Variants in TBATA observed in about 807,000 individuals in gnomAD.
TBATA encodes protein TBATA.
Under a neutral mutation model 38.7 loss-of-function variants are expected in TBATA, and 47 were observed. The observed-to-expected ratio is 1.21, with a 90% CI of 0.96 to 1.55. TBATA has a LOEUF of 1.55. TBATA is among the 40% of genes most tolerant of loss of function. The pLI, the probability that TBATA is intolerant of heterozygous loss-of-function variation, is 0.00. For missense variants in TBATA, 436 were observed against 435.6 expected, an observed-to-expected ratio of 1.00 and a Z score of -0.01; for synonymous variants, 183 against 170.5, an observed-to-expected ratio of 1.07 and a Z score of -0.57.
intron 7 of TBATA, among the ~76,000 whole-genome samples, chr10:70,776,946 C>A (rs1449210625): frequency 6.6e-6 from 1 of 152,156 alleles, no homozygotes; most frequent in Non-Finnish European, 1.5e-5. Context: ...GATCACGGAA[C>A]TAGGGCCCAG....
chr10:70,772,660 C>T, intron 9 of TBATA, 94 bp from the exon 10 acceptor site: 1 of 1,281,878 alleles, frequency 7.8e-7, no homozygotes, highest in Non-Finnish European at 1.1e-6. Flanking sequence ...GAAGGTGGTG[C>T]AGGTGCAGTC....
At chr10:70,781,713 A>C in intron 4 of TBATA, 88 bp downstream of exon 4, 1 of 1,289,104 alleles carries the variant, frequency 7.8e-7, no homozygotes, top group Non-Finnish European at 1.1e-6. Flanking sequence ...CCAGCCTGGA[A>C]ATGGGCTGCC....
intron 9 of TBATA, among the ~76,000 whole-genome samples, chr10:70,773,470 C>CCCT (rs939794428): frequency 1.3e-5 from 2 of 151,800 alleles, no homozygotes; most frequent in South Asian, 2.1e-4. Flanking sequence ...TACAGGCCCC[C>CCCT]CCGGCTTCAC....
intron 7 of TBATA, among the ~76,000 whole-genome samples, chr10:70,776,171 C>T (rs550912183): frequency 6.6e-6 from 1 of 152,286 alleles, no homozygotes; most frequent in East Asian, 1.9e-4. Context: ...CCCAGCAGGT[C>T]GGCCTCATCC....
intron 9 of TBATA, among the ~76,000 whole-genome samples, chr10:70,773,480 C>A (rs1430129747): frequency 2.8e-5 from 4 of 145,326 alleles, no homozygotes; most frequent in Admixed American, 7.3e-5. Flanking sequence ...CCCGGCTTCA[C>A]CCCGGCCTGC....
chr10:70,773,803 C>T (rs1258990110), intron 9 of TBATA, among the ~76,000 whole-genome samples: 1 of 152,202 alleles, frequency 6.6e-6, no homozygotes, highest in African/African-American at 2.4e-5. Flanking sequence ...TGTGAGGCCT[C>T]CCCCAGTTCG....
At chr10:70,772,678 T>TA (rs1204316729) in intron 9 of TBATA, 112 bp from the exon 10 acceptor site, 1 of 1,134,996 alleles carries the variant, frequency 8.8e-7, no homozygotes, top group Non-Finnish European at 1.3e-6. Flanking sequence ...GTCAGCTGTC[T>TA]GCTCCAGGGA....
At chr10:70,784,916 A>G (rs1253642379) in intron 1 of TBATA, 143 bp from the exon 2 acceptor site, 1 of 152,212 alleles carries the variant, frequency 6.6e-6, no homozygotes, top group African/African-American at 2.4e-5. Context: ...TCCTGAAGCA[A>G]TATTTATCCG....
At chr10:70,777,805 C>G (rs914070317) in intron 6 of TBATA, 6 of 455,724 alleles carry the variant, frequency 1.3e-5, no homozygotes, top group South Asian at 7.8e-5. Flanking sequence ...CCCAGAGAGG[C>G]CTGGTGCCTG....
chr10:70,779,887 G>C (rs115107787), intron 4 of TBATA, 145 bp from the exon 5 acceptor site: 5 of 865,156 alleles, frequency 5.8e-6, no homozygotes, highest in Non-Finnish European at 8.3e-6. Flanking sequence ...AGCTGGGAGG[G>C]CATTGTAACC....
intron 8 of TBATA, among the ~76,000 whole-genome samples, chr10:70,774,846 G>T (rs1564577798): frequency 6.6e-6 from 1 of 152,178 alleles, no homozygotes; most frequent in Non-Finnish European, 1.5e-5. Flanking sequence ...GCACCTGTGT[G>T]TGTGTGGGGG....
chr10:70,778,432 C>G, intron 6 of TBATA, 125 bp downstream of exon 6: 1 of 934,968 alleles, frequency 1.1e-6, no homozygotes, highest in Non-Finnish European at 1.8e-6. Flanking sequence ...TTTCCCCTGA[C>G]GTTTGTATGA....
intron 7 of TBATA, 105 bp downstream of exon 7, chr10:70,777,048 A>T (rs1453054152): frequency 7.9e-7 from 1 of 1,267,238 alleles, no homozygotes; most frequent in African/African-American, 1.5e-5. Flanking sequence ...TCTGTTCTTA[A>T]CAGTCCTAGG....
chr10:70,771,687 C>T (rs1342515896), intron 10 of TBATA, among the ~76,000 whole-genome samples: 1 of 152,208 alleles, frequency 6.6e-6, no homozygotes, highest in Admixed American at 6.5e-5. Flanking sequence ...CAATGAGATG[C>T]CTACTCTGTG....
rs370227499 is a variant in TBATA, at chr10:70,772,548, C to T, written c.939G>A (p.Thr313=). 7 of 1,614,118 alleles carry T rather than the reference C, an allele frequency of 4.3e-6. No homozygotes were observed. Among genetic ancestry groups the T allele is most frequent in the Admixed American group, 1.7e-5 (1 of 60,012 alleles). ...EPPCSQSPKK[T]KISPFTKSEK... ...CGCTTTTTGTAAAAGGTGATATCTT[C>T]GTTTTCTTCGGGGATTGACTGTGAC... Residue 313 remains threonine (T), a synonymous_variant, in exon 10 of 11, where the codon ACG becomes ACA. Transcript: ENST00000456372.
At chr10:70,779,835 G>A (rs940683085) in intron 4 of TBATA, 93 bp from the exon 5 acceptor site, 150 of 1,313,044 alleles carry the variant, frequency 1.1e-4, no homozygotes, top group South Asian at 1.1e-4. Flanking sequence ...GGGTGATTCC[G>A]GCTCCACCTC....
intron 7 of TBATA, among the ~76,000 whole-genome samples, chr10:70,776,741 C>A (rs914633431): frequency 6.6e-6 from 1 of 152,184 alleles, no homozygotes; most frequent in Non-Finnish European, 1.5e-5. Flanking sequence ...TCTGGGCTCA[C>A]TGAAGCACAA....
chr10:70,774,417 C>T (rs1024920391), intron 8 of TBATA, 60 bp from the exon 9 acceptor site: 56 of 1,505,174 alleles, frequency 3.7e-5, no homozygotes, highest in Admixed American at 2.1e-4. Context: ...GTCCCTGTGG[C>T]GGGGCCAGAA....
At chr10:70,780,843 A>G (rs2486836) in intron 4 of TBATA, among the ~76,000 whole-genome samples, 131,564 of 152,160 alleles carry the variant, frequency 0.86, 56,960 homozygotes, top group East Asian at 0.91. Context: ...ATCAATCGCC[A>G]AGTCCTACTG....
Sources: allele counts gnomAD v4.1 joint callset (sites outside exome capture counted in the v4.1 genomes callset), GRCh38; gene constraint gnomAD v4.1.1; transcripts MANE v1.5; gene names NCBI Gene and HGNC (gene_info 2026-07-23, HGNC 2026-07-21).